SLIT3: variants seen among roughly 807,000 people sequenced by gnomAD.
SLIT3 encodes slit guidance ligand 3, also known as slit homolog 3 protein.
In SLIT3, 68 loss-of-function variants were observed where a neutral mutation model predicts 184.0. The observed-to-expected ratio is 0.37, with a 90% CI of 0.30 to 0.45. The LOEUF (loss-of-function observed/expected upper bound fraction) is 0.45. Ranked by LOEUF, SLIT3 falls within the 20% of genes least tolerant of loss-of-function variation. The pLI is 1.00. For missense variants in SLIT3, 1,707 were observed against 2,026.0 expected (o/e 0.84, Z 3.02); for synonymous variants, 831 against 828.6 (o/e 1.00, Z -0.05).
At chr5:168,840,556 C>A (rs1241029696) in intron 6 of SLIT3, among the ~76,000 whole-genome samples, 2 of 151,928 alleles carry the variant, frequency 1.3e-5, no homozygotes, top group Non-Finnish European at 2.9e-5. Context: ...ACCCAGGGCT[C>A]AGAGCACCAG....
At chr5:169,218,216 T>A (rs1764511414) in intron 3 of SLIT3, among the ~76,000 whole-genome samples, 3 of 152,204 alleles carry the variant, frequency 2.0e-5, no homozygotes, top group African/African-American at 7.2e-5. Context: ...TCACTTCAGA[T>A]CTTTGCTTAA....
At chr5:169,229,313 C>A (rs1220904726) in intron 3 of SLIT3, among the ~76,000 whole-genome samples, 1 of 151,900 alleles carries the variant, frequency 6.6e-6, no homozygotes, top group Non-Finnish European at 1.5e-5. Context: ...GGGGAAAGAG[C>A]GAGGCCCAAC....
intron 4 of SLIT3, among the ~76,000 whole-genome samples, chr5:168,926,325 G>A (rs1207951462): frequency 6.6e-6 from 1 of 152,252 alleles, no homozygotes; most frequent in Non-Finnish European, 1.5e-5. Context: ...GTGGGGAAAG[G>A]TGTGGGTATG....
At chr5:169,069,533 T>A (rs985768927) in intron 4 of SLIT3, among the ~76,000 whole-genome samples, 1 of 152,102 alleles carries the variant, frequency 6.6e-6, no homozygotes, top group Admixed American at 6.6e-5. Context: ...CCGAGGGAAC[T>A]CAGACCTATA....
intron 4 of SLIT3, among the ~76,000 whole-genome samples, chr5:169,130,894 A>G (rs1403415660): frequency 6.6e-6 from 1 of 152,222 alleles, no homozygotes; most frequent in African/African-American, 2.4e-5. Context: ...AGAGTATACT[A>G]TTTATGTATA....
At chr5:168,921,439 C>G (rs1317599992) in intron 4 of SLIT3, among the ~76,000 whole-genome samples, 1 of 152,114 alleles carries the variant, frequency 6.6e-6, no homozygotes, top group African/African-American at 2.4e-5. Context: ...TTTTTACAAG[C>G]CTCTCAAAGC....
intron 6 of SLIT3, among the ~76,000 whole-genome samples, chr5:168,834,511 G>A (rs571572167): frequency 9.9e-5 from 15 of 151,616 alleles, no homozygotes; most frequent in Admixed American, 9.9e-4. Flanking sequence ...GTCCAACATG[G>A]TGAAACCCCG....
rs1396027748 is a variant in SLIT3 at position 168,715,977 on chromosome 5, ATTTC to A, written c.2484-3627_2484-3624del. On this transcript the variant is annotated intron_variant, in intron 23 of 35. Transcript: ENST00000519560. ...ATGAGCCACTGCGCCCAGCCTACAT[ATTTC>A]TTTTTCAGACAGAGTCTCACTCTCT... is the stretch of plus-strand genomic sequence containing the variant. Among the ~76,000 whole-genome samples the A allele has an allele frequency of 8.2e-5, 12 of 145,770 alleles. 1 individual carries two copies. Among genetic ancestry groups the A allele is most frequent in the African/African-American group, 3.1e-4 (12 of 39,034 alleles).
In SLIT3 at chr5:168,707,987, A is replaced by G; in HGVS notation, c.2833T>C (p.Tyr945His). 2 of 1,614,142 alleles carry G rather than the reference A, an allele frequency of 1.2e-6. No homozygotes were observed. Among genetic ancestry groups the G allele is most frequent in the Non-Finnish European group, 8.5e-7 (1 of 1,180,014 alleles). Residue 945 changes from tyrosine (Y) to histidine (H), a missense_variant, in exon 26 of 36, where the codon TAC (tyrosine) becomes CAC (histidine). Transcript: ENST00000519560. ...PVELYRCACPYSYKGKDCTVP... is the reference protein window; with the variant it reads ...PVELYRCACPHSYKGKDCTVP... ...GGCCTCCAGCATACCTTGTAGCTGTAGGGGCAGGCACAGCGGTACAGCTCC... is the reference window on the plus strand; with the variant it reads ...GGCCTCCAGCATACCTTGTAGCTGTGGGGGCAGGCACAGCGGTACAGCTCC...
chr5:169,003,736 T>C (rs1755806224), intron 4 of SLIT3, among the ~76,000 whole-genome samples: 1 of 152,248 alleles, frequency 6.6e-6, no homozygotes, highest in Non-Finnish European at 1.5e-5. Context: ...ACTCTCTTTT[T>C]TTCCTTAAGG....
intron 4 of SLIT3, among the ~76,000 whole-genome samples, chr5:169,124,859 C>T (rs1463006542): frequency 6.6e-6 from 1 of 152,026 alleles, no homozygotes; most frequent in Non-Finnish European, 1.5e-5. Context: ...CCTATTATAT[C>T]CTGCCCTCTT....
At chr5:169,267,713 G>T (rs4346785) in intron 1 of SLIT3, among the ~76,000 whole-genome samples, 62,103 of 152,076 alleles carry the variant, frequency 0.41, 13,386 homozygotes, top group South Asian at 0.49. Context: ...CCCAGCTTGA[G>T]CCACAAAATA....
chr5:169,253,831 G>C (rs1411002569), intron 1 of SLIT3, among the ~76,000 whole-genome samples: 1 of 152,156 alleles, frequency 6.6e-6, no homozygotes. Flanking sequence ...GTAAAAAAAG[G>C]CATCTATTTT....
chr5:168,713,398 T>C (rs1320554315), intron 23 of SLIT3, among the ~76,000 whole-genome samples: 4 of 152,200 alleles, frequency 2.6e-5, no homozygotes, highest in Admixed American at 6.5e-5. Context: ...CGTGCTCAAG[T>C]AGCAACACGA....
chr5:168,832,713 G>T (rs968595274), intron 6 of SLIT3, among the ~76,000 whole-genome samples: 1 of 152,170 alleles, frequency 6.6e-6, no homozygotes, highest in African/African-American at 2.4e-5. Flanking sequence ...GAATGGGGGT[G>T]CAGCATTGCC....
chr5:169,200,161 G>A (rs886696420), intron 3 of SLIT3, among the ~76,000 whole-genome samples: 3 of 152,174 alleles, frequency 2.0e-5, no homozygotes, highest in African/African-American at 7.2e-5. Context: ...CCTCCCTCAG[G>A]AAAGGGAAGG....
intron 4 of SLIT3, among the ~76,000 whole-genome samples, chr5:169,015,322 C>T (rs760506055): frequency 1.3e-5 from 2 of 152,144 alleles, no homozygotes; most frequent in African/African-American, 4.8e-5. Context: ...TTCTGCTGAC[C>T]CTGGATCTGG....
intron 4 of SLIT3, among the ~76,000 whole-genome samples, chr5:169,078,489 A>G (rs1455397029): frequency 6.6e-6 from 1 of 152,002 alleles, no homozygotes; most frequent in African/African-American, 2.4e-5. Flanking sequence ...GAAATCACAG[A>G]CCCGGTGGGG....
chr5:168,935,153 A>AC (rs1161362513), intron 4 of SLIT3, among the ~76,000 whole-genome samples: 1 of 151,472 alleles, frequency 6.6e-6, no homozygotes, highest in Non-Finnish European at 1.5e-5. Flanking sequence ...AAAAAAACAA[A>AC]AAAAAAAACC....
Sources: allele counts gnomAD v4.1 joint callset (sites outside exome capture counted in the v4.1 genomes callset), GRCh38; gene constraint gnomAD v4.1.1; transcripts MANE v1.5; gene names NCBI Gene and HGNC (gene_info 2026-07-23, HGNC 2026-07-21).